Variants in CDH8 observed in about 807,000 individuals in gnomAD.
CDH8 encodes cadherin 8.
Under a neutral mutation model 68.1 loss-of-function variants are expected in CDH8, and 17 were observed. The ratio of observed to expected loss-of-function variants is 0.25; its 90% CI spans 0.17 to 0.37. The LOEUF (loss-of-function observed/expected upper bound fraction) is 0.37. CDH8 is among the 10% of genes least tolerant of loss of function. The pLI, the probability that CDH8 is intolerant of heterozygous loss-of-function variation, is 1.00. For missense variants in CDH8, 763 were observed against 999.3 expected (o/e 0.76, Z 3.19); for synonymous variants, 372 against 365.1 (o/e 1.02, Z -0.21).
intron 2 of CDH8, among the ~76,000 whole-genome samples, chr16:62,007,158 G>A (rs534526260): frequency 5.3e-5 from 8 of 151,996 alleles, no homozygotes; most frequent in African/African-American, 1.4e-4. Flanking sequence ...CACCCACCTC[G>A]GCCTCCCAAA....
chr16:61,658,627 T>G (rs1963497810), intron 10 of CDH8, among the ~76,000 whole-genome samples: 1 of 152,108 alleles, frequency 6.6e-6, no homozygotes, highest in African/African-American at 2.4e-5. Flanking sequence ...ACCCTGTTTC[T>G]TATGTATGAA....
intron 10 of CDH8, among the ~76,000 whole-genome samples, chr16:61,702,567 C>T (rs1964454550): frequency 1.3e-5 from 2 of 152,036 alleles, no homozygotes; most frequent in Admixed American, 1.3e-4. Flanking sequence ...ACCTGTAATA[C>T]CTGAAATAGA....
intron 3 of CDH8, among the ~76,000 whole-genome samples, chr16:61,900,319 G>C (rs1199543415): frequency 6.6e-6 from 1 of 152,128 alleles, no homozygotes; most frequent in Non-Finnish European, 1.5e-5. Flanking sequence ...CTTATAGGCT[G>C]TCTTAAATGC....
At chr16:61,676,487 A>G (rs1255793425) in intron 10 of CDH8, among the ~76,000 whole-genome samples, 1 of 152,054 alleles carries the variant, frequency 6.6e-6, no homozygotes, top group African/African-American at 2.4e-5. Context: ...TCTGAAAATT[A>G]ATCAATGGAT....
intron 2 of CDH8, among the ~76,000 whole-genome samples, chr16:62,016,733 T>C (rs905895688): frequency 6.6e-6 from 1 of 152,230 alleles, no homozygotes; most frequent in Non-Finnish European, 1.5e-5. Flanking sequence ...GAATAGAGTC[T>C]ATTTGACTGG....
chr16:61,796,638 C>A (rs991207275), intron 7 of CDH8, among the ~76,000 whole-genome samples: 1 of 152,080 alleles, frequency 6.6e-6, no homozygotes, highest in African/African-American at 2.4e-5. Flanking sequence ...TTTAATCCAA[C>A]AAGTATCCTG....
chr16:61,750,912 T>A (rs1960142475), intron 8 of CDH8, among the ~76,000 whole-genome samples: 1 of 152,114 alleles, frequency 6.6e-6, no homozygotes, highest in Admixed American at 6.6e-5. Flanking sequence ...AATTTCTTCT[T>A]AGGAAATTGT....
chr16:61,652,867 A>G lies in CDH8; in HGVS notation c.*741T>C. The G allele has an allele frequency of 6.6e-7, 1 of 1,524,354 alleles. No homozygotes were observed. The highest frequency in any genetic ancestry group is 1.4e-5 in the African/African-American group (1 of 72,888). 94.4% of individuals were successfully genotyped at this position (1,524,354 alleles called of 1,614,324 possible). A position where few individuals can be genotyped will look rare whatever the true frequency, so the allele number is the denominator to read the frequency against. ...TTTATCTTTGTGTCCTTGTGGAAGA[A>G]GATGAAGAGGAGGGAACGAGGAATC... On this transcript the variant is annotated 3_prime_UTR_variant, in exon 12 of 12. Transcript: ENST00000577390.
At chr16:61,966,308 G>A (rs1486976815) in intron 2 of CDH8, among the ~76,000 whole-genome samples, 2 of 133,728 alleles carry the variant, frequency 1.5e-5, no homozygotes, top group Non-Finnish European at 3.1e-5. Flanking sequence ...GGGAGGCAGA[G>A]GTGGGCAGAT....
chr16:61,825,013 C>T lies in CDH8; in HGVS notation c.834G>A (p.Gln278=), dbSNP rs148693252. The T allele has an allele frequency of 2.7e-4, 442 of 1,609,920 alleles. 2 individuals are homozygous for T. In the Middle Eastern group the frequency reaches 3.6e-3, roughly 13 times the overall value. The change falls in exon 5 of 12, where the codon CAG becomes CAA. Residue 278 remains glutamine (Q), a splice_region_variant and synonymous_variant. Coordinates refer to ENST00000577390, the MANE Select transcript of CDH8 (RefSeq NM_001796.5). ...DVNDNPPKFA[Q]SLYHFSVPED... ...ATCCAGTGCAGGAAATTAACTTACT[C>T]TGTGCAAATTTTGGAGGATTGTCAT...
chr16:61,769,789 GC>G (rs1960731467), intron 8 of CDH8, among the ~76,000 whole-genome samples: 1 of 151,842 alleles, frequency 6.6e-6, no homozygotes, highest in African/African-American at 2.4e-5. Context: ...AAACTTCATG[GC>G]CAAACTACAC....
intron 8 of CDH8, among the ~76,000 whole-genome samples, chr16:61,754,504 T>C (rs1346509586): frequency 2.6e-5 from 4 of 151,918 alleles, no homozygotes; most frequent in Admixed American, 1.3e-4. Context: ...TTTTATTTTG[T>C]TTATATTTAT....
intron 8 of CDH8, among the ~76,000 whole-genome samples, chr16:61,782,748 G>A (rs571303098): frequency 6.6e-5 from 10 of 151,924 alleles, no homozygotes; most frequent in South Asian, 4.2e-4. Flanking sequence ...ATCTGAGAAC[G>A]GGCAGACTGC....
intron 7 of CDH8, among the ~76,000 whole-genome samples, chr16:61,796,638 C>T (rs991207275): frequency 5.3e-5 from 8 of 152,080 alleles, no homozygotes; most frequent in Admixed American, 3.9e-4. Flanking sequence ...TTTAATCCAA[C>T]AAGTATCCTG....
intron 4 of CDH8, among the ~76,000 whole-genome samples, chr16:61,846,498 C>A (rs1386372308): frequency 6.6e-6 from 1 of 152,026 alleles, no homozygotes; most frequent in Admixed American, 6.6e-5. Context: ...ATGAGAGCAT[C>A]AAGGTGTTTA....
In CDH8 at chr16:61,649,044, T is replaced by G. The variant is rs1963265958; in HGVS notation, c.*4564A>C. 1 of 151,998 alleles carries G rather than the reference T, an allele frequency of 6.6e-6. No individual in the cohort carries two copies. The highest frequency in any genetic ancestry group is 1.5e-5 in the Non-Finnish European group (1 of 67,932). 9.4% of individuals were successfully genotyped at this position (151,998 alleles called of 1,614,324 possible). A position where few individuals can be genotyped will look rare whatever the true frequency, so the allele number is the denominator to read the frequency against. ...TCAACACTGTTTGGCTGAGTAACAG[T>G]GCAAAGACACTTTTTATAGCAAATA... On this transcript the variant is annotated 3_prime_UTR_variant, in exon 12 of 12. Coordinates refer to ENST00000577390, the MANE Select transcript of CDH8 (RefSeq NM_001796.5).
At chr16:61,662,843 C>T (rs1242593108) in intron 10 of CDH8, among the ~76,000 whole-genome samples, 3 of 151,820 alleles carry the variant, frequency 2.0e-5, no homozygotes, top group Non-Finnish European at 4.4e-5. Flanking sequence ...GAACCAATCC[C>T]CAGTCTATAC....
chr16:61,726,881 G>C, intron 9 of CDH8: 1 of 540,192 alleles, frequency 1.9e-6, no homozygotes, highest in Non-Finnish European at 3.3e-6. Context: ...ACAGCAGGTT[G>C]TTCCACTTTA....
At chr16:61,751,319 T>A (rs1414950914) in intron 8 of CDH8, among the ~76,000 whole-genome samples, 1 of 147,296 alleles carries the variant, frequency 6.8e-6, no homozygotes. Context: ...CAGAGAAGAT[T>A]TTCCTCTACA....
Sources: allele counts gnomAD v4.1 joint callset (sites outside exome capture counted in the v4.1 genomes callset), GRCh38; gene constraint gnomAD v4.1.1; transcripts MANE v1.5; gene names NCBI Gene and HGNC (gene_info 2026-07-23, HGNC 2026-07-21).